The following ANK2 variants were observed in gnomAD, a reference collection of about 807,000 sequenced individuals.
ANK2 encodes the protein ankyrin-2.
Under a neutral mutation model 360.5 loss-of-function variants are expected in ANK2, and 83 were observed. The ratio of observed to expected loss-of-function variants is 0.23; its 90% CI spans 0.19 to 0.28. The LOEUF is 0.28. Among genes scored for constraint, ANK2 ranks in the 10% least tolerant of loss-of-function variants. The pLI is 1.00. For synonymous variants in ANK2, 1,740 were observed against 1,759.5 expected (o/e 0.99, Z 0.28); for missense variants, 4,201 against 4,795.7 (o/e 0.88, Z 3.66).
At chr4:113,316,779 T>C (rs1278956742) in intron 24 of ANK2, among the ~76,000 whole-genome samples, 1 of 152,252 alleles carries the variant, frequency 6.6e-6, no homozygotes, top group African/African-American at 2.4e-5. Flanking sequence ...TATGCAAATG[T>C]CAAGTTTTAC....
chr4:113,222,565 G>T (rs548723682), intron 4 of ANK2, among the ~76,000 whole-genome samples: 1 of 151,584 alleles, frequency 6.6e-6, no homozygotes, highest in Non-Finnish European at 1.5e-5. Context: ...GGCAGCTGAG[G>T]GAGTAAAAAG....
intron 1 of ANK2, among the ~76,000 whole-genome samples, chr4:113,086,718 G>A (rs189188923): frequency 4.3e-4 from 65 of 152,274 alleles, no homozygotes; most frequent in Admixed American, 7.8e-4. Context: ...CTTCAAACTT[G>A]GGGAGTTAGG....
chr4:112,933,444 C>T (rs2093437241), intron 2 of ANK2, among the ~76,000 whole-genome samples: 1 of 151,660 alleles, frequency 6.6e-6, no homozygotes, highest in African/African-American at 2.4e-5. Context: ...TCAATTTTTC[C>T]AGTTTTAAAA....
At chr4:113,013,337 T>C (rs1039573381) in intron 2 of ANK2, among the ~76,000 whole-genome samples, 3 of 152,230 alleles carry the variant, frequency 2.0e-5, no homozygotes, top group Non-Finnish European at 4.4e-5. Context: ...TTATCATACA[T>C]TGATAATTTT....
Position 113,099,920 on chromosome 4 carries a change from T to C in ANK2, c.84+50108T>C, listed in dbSNP as rs557132824. Among the ~76,000 whole-genome samples the C allele has an allele frequency of 2.0e-5, 3 of 152,146 alleles. No homozygotes were observed. In the East Asian group the frequency reaches 5.8e-4, roughly 29 times the overall value. On this transcript the variant is annotated intron_variant, in intron 1 of 45. Transcript: ENST00000357077. ...GTGCTGGAATAACTGCATACCCACA[T>C]GCGACAAAAAGTGAATCTAGTGGCA...
At chr4:112,724,699 A>G in the ANK2 span, among the ~76,000 whole-genome samples, 1 of 152,146 alleles carries the variant, frequency 6.6e-6, no homozygotes. Flanking sequence ...CTTGTGTGCT[A>G]CTGATGGGAA....
intron 1 of ANK2, among the ~76,000 whole-genome samples, chr4:113,078,125 C>T (rs748079350): frequency 1.3e-5 from 2 of 152,098 alleles, no homozygotes; most frequent in Admixed American, 6.5e-5. Flanking sequence ...GATCGTGTTC[C>T]CATTTTTTAT....
the ANK2 span, among the ~76,000 whole-genome samples, chr4:112,760,471 G>T: frequency 3.3e-5 from 5 of 151,502 alleles, no homozygotes; most frequent in Non-Finnish European, 4.4e-5. Flanking sequence ...ACAGGCGTGA[G>T]CCCCCGTGCC....
intron 3 of ANK2, among the ~76,000 whole-genome samples, chr4:113,197,095 C>G (rs2107018): frequency 0.23 from 34,406 of 152,016 alleles, 4,018 homozygotes; most frequent in East Asian, 0.31. Flanking sequence ...AAAATAAACC[C>G]ATGTGGGAAA....
chr4:113,332,113 T>C (rs2092599922), intron 28 of ANK2, 43 bp downstream of exon 28: 1 of 1,447,534 alleles, frequency 6.9e-7, no homozygotes, highest in African/African-American at 1.4e-5. Context: ...TGGCCCCCCA[T>C]TCTTCTCCTT....
chr4:112,864,412 C>T (rs1477143071), intron 1 of ANK2, among the ~76,000 whole-genome samples: 1 of 152,052 alleles, frequency 6.6e-6, no homozygotes, highest in Non-Finnish European at 1.5e-5. Context: ...CAAGTTCAAG[C>T]GATTCTTCTG....
the ANK2 span, among the ~76,000 whole-genome samples, chr4:112,708,966 G>A: frequency 6.6e-6 from 1 of 152,104 alleles, no homozygotes; most frequent in African/African-American, 2.4e-5. Context: ...AAATGCTGAT[G>A]TAGCATGAAA....
chr4:112,720,527 T>A, the ANK2 span, among the ~76,000 whole-genome samples: 1 of 152,188 alleles, frequency 6.6e-6, no homozygotes, highest in African/African-American at 2.4e-5. Flanking sequence ...ACAAACTCTC[T>A]TGTATACAAC....
the ANK2 span, among the ~76,000 whole-genome samples, chr4:112,772,373 A>G: frequency 6.6e-6 from 1 of 152,194 alleles, no homozygotes; most frequent in Non-Finnish European, 1.5e-5. Flanking sequence ...TGATTCAATT[A>G]TCTTCCACCA....
chr4:113,109,462 G>A (rs1189028249), intron 1 of ANK2, among the ~76,000 whole-genome samples: 2 of 152,108 alleles, frequency 1.3e-5, no homozygotes, highest in Middle Eastern at 3.2e-3. Flanking sequence ...TGAAGGTCTC[G>A]TTATTTATTA....
intron 4 of ANK2, among the ~76,000 whole-genome samples, chr4:113,207,821 C>T (rs974621067): frequency 2.6e-5 from 4 of 152,054 alleles, no homozygotes; most frequent in Non-Finnish European, 4.4e-5. Flanking sequence ...TGCCCTCGAA[C>T]ACTTGCTAAG....
chr4:113,025,739 A>AT (rs2154300489), intron 2 of ANK2, among the ~76,000 whole-genome samples: 2 of 152,144 alleles, frequency 1.3e-5, no homozygotes, highest in African/African-American at 4.8e-5. Context: ...TGCTAAGGAG[A>AT]TCTGAGGGTG....
rs531173999 is a variant in ANK2, at chr4:112,982,336, A to T, written c.21+77822A>T. Among the ~76,000 whole-genome samples, 362 of 152,338 alleles carry T rather than the reference A, an allele frequency of 2.4e-3. 1 individual carries two copies. The highest frequency in any genetic ancestry group is 8.5e-3 in the African/African-American group (352 of 41,578). On this transcript the variant is annotated intron_variant, in intron 2 of 30. Coordinates refer to the ANK2 transcript ENST00000503271. Reference sequence around the variant, plus strand: ...TTGACAAATGCTGAAAAGTCAGATTATTCTGTAGAATTATCAATACAAAGT... The same window carrying T: ...TTGACAAATGCTGAAAAGTCAGATTTTTCTGTAGAATTATCAATACAAAGT...
At chr4:113,237,696 A>G (rs1297272030) in intron 7 of ANK2, 74 bp downstream of exon 7, 4 of 1,252,928 alleles carry the variant, frequency 3.2e-6, no homozygotes, top group Non-Finnish European at 4.7e-6. Flanking sequence ...ATAAATGCTC[A>G]CTAATTCATA....
Sources: gnomAD v4.1 joint callset for allele counts (sites outside exome capture counted in the v4.1 genomes callset) on GRCh38, gnomAD v4.1.1 for gene constraint, MANE v1.5 for transcripts, NCBI Gene and HGNC (gene_info 2026-07-23, HGNC 2026-07-21) for gene names.